The following COP1 variants were observed in gnomAD, a reference collection of about 807,000 sequenced individuals.
COP1 encodes COP1 E3 ubiquitin ligase, also known as E3 ubiquitin-protein ligase COP1.
COP1 carries 24 observed loss-of-function variants against 101.3 expected under a neutral mutation model. The ratio of observed to expected loss-of-function variants is 0.24; its 90% confidence interval spans 0.17 to 0.33. COP1 has a LOEUF of 0.33. Among genes scored for constraint, COP1 ranks in the 10% least tolerant of loss-of-function variants. The pLI, the probability that COP1 is intolerant of heterozygous loss-of-function variation, is 1.00. For missense variants in COP1, 663 were observed against 906.2 expected (o/e 0.73, Z 3.45); for synonymous variants, 347 against 341.9 (o/e 1.01, Z -0.17).
intron 19 of COP1, among the ~76,000 whole-genome samples, chr1:175,946,224 C>T (rs1649152670): frequency 6.6e-6 from 1 of 152,126 alleles, no homozygotes; most frequent in Non-Finnish European, 1.5e-5. Context: ...TTCATTTAAG[C>T]TCTCAGTGGT....
rs370930578 is a variant in COP1 at position 176,057,311 on chromosome 1, ACCTCTC to A, written c.1278-10993_1278-10988del. On this transcript the variant is annotated intron_variant, in intron 11 of 19. Coordinates refer to ENST00000367669, the MANE Select transcript of COP1 (RefSeq NM_022457.7). Reference sequence around the variant, plus strand: ...ATTCCCTCCCCACTTCAAGAATGTGACCTCTCCCTCTCCCTCTCCCTCTCCCCACGG... The same window carrying A: ...ATTCCCTCCCCACTTCAAGAATGTGACCTCTCCCTCTCCCTCTCCCCACGG... 3.4e-3 allele frequency among the ~76,000 whole-genome samples: 515 copies of A among 151,852 alleles called. 3 individuals carry two copies. Among genetic ancestry groups the A allele is most frequent in the African/African-American group, 0.011 (441 of 41,390 alleles).
intron 3 of COP1, among the ~76,000 whole-genome samples, chr1:176,169,200 CGTCATA>C (rs1451329244): frequency 6.6e-6 from 1 of 152,142 alleles, no homozygotes; most frequent in Non-Finnish European, 1.5e-5. Flanking sequence ...ATGGAATCCT[CGTCATA>C]GTAATATTCA....
intron 15 of COP1, among the ~76,000 whole-genome samples, chr1:176,025,495 A>C (rs943920943): frequency 6.6e-6 from 1 of 151,900 alleles, no homozygotes; most frequent in Admixed American, 6.5e-5. Flanking sequence ...AGTGGACAAT[A>C]AAATTTTATT....
Position 176,081,293 on chromosome 1 carries a change from T to TAA in COP1, c.1142-7_1142-6insTT. On this transcript the variant is annotated splice_region_variant and splice_polypyrimidine_tract_variant and intron_variant, in intron 10 of 19. Coordinates refer to ENST00000367669, the MANE Select transcript of COP1 (RefSeq NM_022457.7). ...GCTTGCAGTTCGACTGTCATCTATA[T>TAA]GAAAAAAAAAAAAAAAAGACAAAAC... 6.7e-7 allele frequency: 1 copy of TAA among 1,487,228 alleles called. No individual in the cohort carries two copies. The highest frequency in any genetic ancestry group is 8.9e-7 in the Non-Finnish European group (1 of 1,122,482). The allele number at this position is 1,487,228 out of a possible 1,614,324, so 92.1% of individuals were successfully genotyped here. A position where few individuals can be genotyped will look rare whatever the true frequency, so the allele number is the denominator to read the frequency against.
chr1:176,075,101 A>G (rs1213480147), intron 11 of COP1, among the ~76,000 whole-genome samples: 1 of 152,182 alleles, frequency 6.6e-6, no homozygotes, highest in Non-Finnish European at 1.5e-5. Context: ...CCTGTTCATG[A>G]CTATATGCCT....
intron 18 of COP1, among the ~76,000 whole-genome samples, chr1:175,979,275 ATCAG>A (rs1655262610): frequency 1.3e-5 from 2 of 152,278 alleles, no homozygotes; most frequent in Admixed American, 1.3e-4. Flanking sequence ...TTTTCTGATT[ATCAG>A]TCAGTTTTGA....
intron 1 of COP1, among the ~76,000 whole-genome samples, chr1:176,203,323 C>T (rs1466708457): frequency 6.6e-6 from 1 of 151,750 alleles, no homozygotes; most frequent in Non-Finnish European, 1.5e-5. Flanking sequence ...GGCAGCAGAG[C>T]GAGACTCCGT....
At chr1:176,103,069 T>C (rs1361774535) in intron 9 of COP1, among the ~76,000 whole-genome samples, 3 of 152,196 alleles carry the variant, frequency 2.0e-5, no homozygotes, top group Non-Finnish European at 4.4e-5. Flanking sequence ...TCTTTCTCTA[T>C]TGCAATTCCA....
intron 9 of COP1, among the ~76,000 whole-genome samples, chr1:176,099,111 T>G (rs1038706269): frequency 6.7e-6 from 1 of 150,272 alleles, no homozygotes; most frequent in Non-Finnish European, 1.5e-5. Context: ...TCAATTGTGC[T>G]TCTAACTGTA....
chr1:176,050,320 A>C (rs1672320355), intron 11 of COP1, among the ~76,000 whole-genome samples: 1 of 152,254 alleles, frequency 6.6e-6, no homozygotes, highest in Non-Finnish European at 1.5e-5. Flanking sequence ...ATTAATGCAT[A>C]CTGCCAGTAC....
At chr1:175,996,821 G>A (rs937054571) in intron 15 of COP1, among the ~76,000 whole-genome samples, 61 of 152,234 alleles carry the variant, frequency 4.0e-4, no homozygotes, top group Non-Finnish European at 4.3e-4. Context: ...TGGCCATACT[G>A]CCCAAGGTAA....
chr1:176,182,193 A>C (rs76971890), intron 2 of COP1, among the ~76,000 whole-genome samples: 7,269 of 152,306 alleles, frequency 0.048, 262 homozygotes, highest in Middle Eastern at 0.11. Context: ...CTCACTTCAC[A>C]ATCTATTTCG....
chr1:176,184,600 A>C (rs905824282), intron 2 of COP1, 33 bp downstream of exon 2: 1 of 1,522,076 alleles, frequency 6.6e-7, no homozygotes, highest in South Asian at 1.2e-5. Flanking sequence ...TTAAAATGTT[A>C]AAAGATTATT....
intron 6 of COP1, among the ~76,000 whole-genome samples, chr1:176,143,525 T>C (rs1184915831): frequency 2.6e-5 from 4 of 152,112 alleles, no homozygotes; most frequent in Non-Finnish European, 4.4e-5. Flanking sequence ...ATAATCTTTA[T>C]AGCAAAACTG....
At chr1:176,018,940 T>TGGGC (rs1666162751) in intron 15 of COP1, among the ~76,000 whole-genome samples, 1 of 145,400 alleles carries the variant, frequency 6.9e-6, no homozygotes, top group Non-Finnish European at 1.5e-5. Context: ...CCGAGGCAAG[T>TGGGC]GGATCACTTG....
chr1:175,969,262 T>C (rs1021126529), intron 18 of COP1, among the ~76,000 whole-genome samples: 1 of 152,104 alleles, frequency 6.6e-6, no homozygotes, highest in Non-Finnish European at 1.5e-5. Flanking sequence ...GAAAACACAG[T>C]AGAGCATTGT....
intron 5 of COP1, among the ~76,000 whole-genome samples, chr1:176,149,954 T>TG (rs1332432363): frequency 2.0e-5 from 3 of 152,014 alleles, no homozygotes; most frequent in African/African-American, 7.2e-5. Flanking sequence ...CAAAAATACA[T>TG]GGAAAAAAAG....
At chr1:176,135,250 G>A (rs967682911) in intron 7 of COP1, among the ~76,000 whole-genome samples, 164 bp from the exon 8 acceptor site, 4 of 151,890 alleles carry the variant, frequency 2.6e-5, no homozygotes, top group South Asian at 4.1e-4. Context: ...ACAAAAGCAA[G>A]GACATGTGAA....
chr1:176,194,575 T>C (rs1046511683), intron 1 of COP1, among the ~76,000 whole-genome samples: 1 of 151,992 alleles, frequency 6.6e-6, no homozygotes, highest in African/African-American at 2.4e-5. Flanking sequence ...GAGGAGGAAG[T>C]TGCAGTGAGC....
Sources: allele counts gnomAD v4.1 joint callset (sites outside exome capture counted in the v4.1 genomes callset), GRCh38; gene constraint gnomAD v4.1.1; transcripts MANE v1.5; gene names NCBI Gene and HGNC (gene_info 2026-07-23, HGNC 2026-07-21).